Variants in GAB2 observed in about 807,000 individuals in gnomAD.
GAB2 encodes the protein GRB2 associated binding protein 2.
GAB2 carries 26 observed loss-of-function variants against 65.5 expected under a neutral mutation model. That is an observed-to-expected ratio of 0.40 (90% CI 0.29 to 0.55). The LOEUF is 0.55. GAB2 is among the 20% of genes least tolerant of loss of function. The pLI, the probability that GAB2 is intolerant of heterozygous loss-of-function variation, is 0.53. For missense variants in GAB2, 884 were observed against 875.8 expected, an observed-to-expected ratio of 1.01 and a Z score of -0.12; for synonymous variants, 321 against 329.6, an observed-to-expected ratio of 0.97 and a Z score of 0.28.
chr11:78,383,708 A>G (rs1856728350), intron 1 of GAB2, among the ~76,000 whole-genome samples: 1 of 151,996 alleles, frequency 6.6e-6, no homozygotes, highest in South Asian at 2.1e-4. Flanking sequence ...CAGTAAGCTG[A>G]GATCATGCCC....
At chr11:78,277,049 C>G (rs1466675375) in intron 2 of GAB2, among the ~76,000 whole-genome samples, 2 of 152,012 alleles carry the variant, frequency 1.3e-5, no homozygotes, top group African/African-American at 4.8e-5. Flanking sequence ...GATCTCCTAA[C>G]CTTGTGATCT....
At chr11:78,259,028 C>G (rs966213123) in intron 2 of GAB2, among the ~76,000 whole-genome samples, 5 of 152,058 alleles carry the variant, frequency 3.3e-5, no homozygotes, top group African/African-American at 1.2e-4. Flanking sequence ...TCCTCCTACC[C>G]TCTACCCTCT....
intron 3 of GAB2, among the ~76,000 whole-genome samples, chr11:78,230,060 G>A (rs1030117154): frequency 6.6e-6 from 1 of 152,220 alleles, no homozygotes; most frequent in Admixed American, 6.5e-5. Flanking sequence ...CTTGAGGAAA[G>A]AAACTGTGTC....
chr11:78,335,756 GT>G (rs1855986381), intron 1 of GAB2, among the ~76,000 whole-genome samples: 2 of 152,070 alleles, frequency 1.3e-5, no homozygotes, highest in Admixed American at 1.3e-4. Flanking sequence ...TTTTAGAATT[GT>G]TCTATTTCTG....
intron 1 of GAB2, among the ~76,000 whole-genome samples, chr11:78,399,355 C>A (rs964659946): frequency 6.6e-6 from 1 of 152,192 alleles, no homozygotes; most frequent in Non-Finnish European, 1.5e-5. Context: ...GAGGATCCTG[C>A]AGGGTAGGCA....
chr11:78,222,274 G>T, intron 6 of GAB2, 79 bp from the exon 7 acceptor site: 2 of 910,506 alleles, frequency 2.2e-6, no homozygotes, highest in African/African-American at 1.6e-5. Context: ...TAACACATGA[G>T]CATGTTTATA....
At chr11:78,285,477 T>C (rs1866454619) in intron 1 of GAB2, among the ~76,000 whole-genome samples, 1 of 152,082 alleles carries the variant, frequency 6.6e-6, no homozygotes, top group Non-Finnish European at 1.5e-5. Flanking sequence ...CACTTCCAGG[T>C]TTTATTTATT....
intron 1 of GAB2, among the ~76,000 whole-genome samples, chr11:78,319,431 G>A (rs1203667037): frequency 6.6e-6 from 1 of 152,224 alleles, no homozygotes; most frequent in African/African-American, 2.4e-5. Flanking sequence ...AGAAAAAGAT[G>A]TATGTATGAA....
chr11:78,397,083 T>C (rs936838129), intron 1 of GAB2, among the ~76,000 whole-genome samples: 1 of 152,224 alleles, frequency 6.6e-6, no homozygotes, highest in Non-Finnish European at 1.5e-5. Flanking sequence ...TTTTGTGATG[T>C]GTGTTTATAA....
In GAB2 at chr11:78,215,594, A is replaced by AAAC. The variant is rs1864083651; in HGVS notation, c.*3675_*3677dup. 1 of 152,392 alleles carries AAAC rather than the reference A, an allele frequency of 6.6e-6. No individual in the cohort carries two copies. Among genetic ancestry groups the AAAC allele is most frequent in the South Asian group, 2.1e-4 (1 of 4,828 alleles). The allele number at this position is 152,392 out of a possible 1,614,324, so 9.4% of individuals were successfully genotyped here. A position where few individuals can be genotyped will look rare whatever the true frequency, so the allele number is the denominator to read the frequency against. On this transcript the variant is annotated 3_prime_UTR_variant, in exon 10 of 10. Transcript: ENST00000361507. ...CACTAGCCCATTTTCTCTTCCTGAC[A>AAAC]AACAGTGACAATTCTGCGTGAAATA...
Position 78,220,336 on chromosome 11 carries a change from G to C in GAB2, c.1870C>G (p.Pro624Ala), listed in dbSNP as rs761513692. ...CCAGGCACCTTGCGGTGGGGGCTTG[G>C]GGAGCTCGGCTGGAAGTCCAGGGCC... ...YLALDFQPSS[P>A]SPHRKPSTSS... The change falls in exon 9 of 10, where the codon CCA becomes GCA. Residue 624 changes from proline to alanine, a missense_variant. Transcript: ENST00000361507. 3.7e-6 allele frequency: 6 copies of C among 1,612,652 alleles called. No homozygotes were observed. In the East Asian group the frequency reaches 1.3e-4, roughly 36 times the overall value.
chr11:78,231,497 G>A (rs889192297), intron 3 of GAB2, among the ~76,000 whole-genome samples: 1 of 152,088 alleles, frequency 6.6e-6, no homozygotes, highest in African/African-American at 2.4e-5. Context: ...TTACAGGAGC[G>A]TACCACTGCA....
intron 1 of GAB2, among the ~76,000 whole-genome samples, chr11:78,405,161 C>T (rs1389030783): frequency 1.4e-5 from 2 of 140,810 alleles, no homozygotes; most frequent in Admixed American, 7.7e-5. Context: ...TGCAGTGGCG[C>T]AATCTCGGCT....
intron 1 of GAB2, among the ~76,000 whole-genome samples, chr11:78,343,787 ATAT>A (rs1003679940): frequency 1.3e-5 from 2 of 152,202 alleles, no homozygotes; most frequent in African/African-American, 4.8e-5. Flanking sequence ...TATTTCTAAA[ATAT>A]TATTTCAATA....
At chr11:78,334,701 C>T (rs1855970396) in intron 1 of GAB2, among the ~76,000 whole-genome samples, 1 of 152,222 alleles carries the variant, frequency 6.6e-6, no homozygotes, top group Non-Finnish European at 1.5e-5. Flanking sequence ...GTGAACAGTG[C>T]TGCAACAAAC....
chr11:78,246,737 G>T (rs1191295583), intron 3 of GAB2, among the ~76,000 whole-genome samples: 1 of 152,134 alleles, frequency 6.6e-6, no homozygotes, highest in Non-Finnish European at 1.5e-5. Context: ...GACCTCAGGT[G>T]ATCTGCCCAC....
In GAB2 at chr11:78,233,381, TCTCA is replaced by T. The variant is rs749616464; in HGVS notation, c.621-6334_621-6331del. Among the ~76,000 whole-genome samples, 164 of 152,342 alleles carry T rather than the reference TCTCA, an allele frequency of 1.1e-3. 1 individual carries two copies. Among genetic ancestry groups the T allele is most frequent in the Non-Finnish European group, 1.9e-3 (128 of 68,028 alleles). On this transcript the variant is annotated intron_variant, in intron 3 of 9. Coordinates refer to ENST00000361507, the MANE Select transcript of GAB2 (RefSeq NM_080491.3). ...CCCTTCCAGCAGAGGTAAAGCAGAA[TCTCA>T]CTGAGATTTTAATTTGCATTTCCCA...
At chr11:78,364,323 A>G (rs539174151) in intron 1 of GAB2, among the ~76,000 whole-genome samples, 5 of 152,080 alleles carry the variant, frequency 3.3e-5, no homozygotes, top group African/African-American at 1.2e-4. Context: ...GCTTCTCTAC[A>G]CTCCTTCCCC....
chr11:78,289,695 G>A (rs1014243135), intron 1 of GAB2, among the ~76,000 whole-genome samples: 1 of 151,998 alleles, frequency 6.6e-6, no homozygotes, highest in African/African-American at 2.4e-5. Flanking sequence ...AAACTTTCAG[G>A]GTTAAGAGAG....
Sources: allele counts gnomAD v4.1 joint callset (sites outside exome capture counted in the v4.1 genomes callset), GRCh38; gene constraint gnomAD v4.1.1; transcripts MANE v1.5; gene names NCBI Gene and HGNC (gene_info 2026-07-23, HGNC 2026-07-21).